Variants in NBPF26 observed in about 807,000 individuals in gnomAD.
NBPF26 encodes NBPF member 26, also known as NBPF family member NBPF26.
Under a neutral mutation model 119.6 loss-of-function variants are expected in NBPF26, and 79 were observed. The observed-to-expected ratio is 0.66, with a 90% CI of 0.55 to 0.80. The LOEUF (loss-of-function observed/expected upper bound fraction) is 0.80. Among genes scored for constraint, NBPF26 ranks in the 30% least tolerant of loss-of-function variants. The pLI, the probability that NBPF26 is intolerant of heterozygous loss-of-function variation, is 0.00. For synonymous variants in NBPF26, 299 were observed against 457.7 expected, an observed-to-expected ratio of 0.65 and a Z score of 4.43; for missense variants, 800 against 1,198.2, an observed-to-expected ratio of 0.67 and a Z score of 4.91.
chr1:120,818,553 T>C (rs1204179171), intron 15 of NBPF26, among the ~76,000 whole-genome samples: 1 of 126,480 alleles, frequency 7.9e-6, no homozygotes, highest in East Asian at 2.0e-4. Flanking sequence ...TTTGCTTCTC[T>C]CGTTATTTTA....
chr1:120,810,706 C>T (rs1651840330), intron 9 of NBPF26, 148 bp downstream of exon 9: 2 of 970,092 alleles, frequency 2.1e-6, no homozygotes, highest in South Asian at 1.5e-5. Context: ...ATAATCACAG[C>T]ACTTTGGAAG....
chr1:120,759,690 T>C (rs1445592895), intron 1 of NBPF26, among the ~76,000 whole-genome samples: 1 of 110,698 alleles, frequency 9.0e-6, no homozygotes, highest in East Asian at 2.2e-4. Flanking sequence ...CTCAAGATTA[T>C]TTTTCTTTTT....
intron 27 of NBPF26, among the ~76,000 whole-genome samples, chr1:120,838,522 G>A (rs141222110): frequency 4.0e-4 from 33 of 82,632 alleles, no homozygotes; most frequent in African/African-American, 1.8e-3. Flanking sequence ...GTGTGTGTGT[G>A]TGTGTGTGTG....
At chr1:120,756,334 C>T (rs1166291940) in intron 1 of NBPF26, among the ~76,000 whole-genome samples, 1 of 117,116 alleles carries the variant, frequency 8.5e-6, no homozygotes, top group Non-Finnish European at 1.6e-5. Context: ...CAGACTTCAT[C>T]TCTCAAATAT....
At chr1:120,737,733 T>C (rs1650921124) in intron 1 of NBPF26, among the ~76,000 whole-genome samples, 1 of 125,582 alleles carries the variant, frequency 8.0e-6, no homozygotes, top group Admixed American at 7.7e-5. Flanking sequence ...GTGTCATTAG[T>C]GATTCAGAAT....
chr1:120,817,414 G>GCTTTTTT (rs1652033534), intron 14 of NBPF26, among the ~76,000 whole-genome samples: 1 of 6,538 alleles, frequency 1.5e-4, no homozygotes, highest in Non-Finnish European at 2.6e-4. Flanking sequence ...TAGCATCGTG[G>GCTTTTTT]ATTTTTTTTT....
chr1:120,776,479 G>A lies in NBPF26; in HGVS notation c.156-8495G>A, dbSNP rs1362705172. 2.8e-4 allele frequency among the ~76,000 whole-genome samples: 12 copies of A among 43,300 alleles called. 1 individual carries two copies. The highest frequency in any genetic ancestry group is 0.012 in the Middle Eastern group (2 of 164). 28.4% of individuals were successfully genotyped at this position (43,300 alleles called of 152,430 possible). A position where few individuals can be genotyped will look rare whatever the true frequency, so the allele number is the denominator to read the frequency against. The stretch of plus-strand genomic sequence containing the variant: ...GAGCTTGAGATGAAACAATTTCTCA[G>A]TGTGTTGTTTGAATACAATGTATAC... On this transcript the variant is annotated intron_variant, in intron 2 of 29. Transcript: ENST00000620612.
chr1:120,805,207 C>T lies in NBPF26; in HGVS notation c.752-349C>T, dbSNP rs1202664275. 3.2e-5 allele frequency among the ~76,000 whole-genome samples: 4 copies of T among 125,980 alleles called. 1 individual carries two copies. The highest frequency in any genetic ancestry group is 7.6e-5 in the Admixed American group (1 of 13,092). 82.6% of individuals were successfully genotyped at this position (125,980 alleles called of 152,430 possible). Reference sequence around the variant, plus strand: ...GTGACCCTCAGGTGAGACTAGGGTGCCTGTGTTTCAGCAAAGCCTGGGCAA... The same window carrying T: ...GTGACCCTCAGGTGAGACTAGGGTGTCTGTGTTTCAGCAAAGCCTGGGCAA... On this transcript the variant is annotated intron_variant, in intron 4 of 29. Coordinates refer to ENST00000620612, the Ensembl canonical transcript of NBPF26.
rs1345245276 is a variant in NBPF26 at position 120,805,569 on chromosome 1, C to G, written c.765C>G (p.Thr255=). 14 of 1,432,264 alleles carry G rather than the reference C, an allele frequency of 9.8e-6. 3 individuals carry two copies. Among genetic ancestry groups the G allele is most frequent in the Non-Finnish European group, 1.3e-5 (14 of 1,054,900 alleles). 88.7% of individuals were successfully genotyped at this position (1,432,264 alleles called of 1,614,324 possible). ...TCTTCTCCCCAGTCCCTGACTCCAC[C>G]TCTTCTGCCACAAACGTCAGCATGG... Residue 255 remains threonine (T), a synonymous_variant, in exon 5 of 30, where the codon ACC becomes ACG. Coordinates refer to ENST00000620612, the Ensembl canonical transcript of NBPF26.
rs1553272379 is a variant in NBPF26, at chr1:120,823,894, C to T, written c.2640-80C>T. ...CTTTTTCTTTTCAAACTCTTCCTTA[C>T]ATTAGCCATGAAATCTAGCTGGGGC... On this transcript the variant is annotated intron_variant, in intron 17 of 29. Coordinates refer to ENST00000620612, the Ensembl canonical transcript of NBPF26. 132 of 474,638 alleles carry T rather than the reference C, an allele frequency of 2.8e-4. 19 individuals are homozygous for T. Among genetic ancestry groups the T allele is most frequent in the East Asian group, 7.1e-4 (22 of 30,836 alleles). 29.4% of individuals were successfully genotyped at this position (474,638 alleles called of 1,614,324 possible). A position where few individuals can be genotyped will look rare whatever the true frequency, so the allele number is the denominator to read the frequency against.
At position 120,785,261 on chromosome 1, in the gene NBPF26, T is replaced by C; in HGVS notation, c.415+28T>C. The C allele has an allele frequency of 2.1e-6, 3 of 1,441,680 alleles. 1 individual carries two copies. The highest frequency in any genetic ancestry group is 2.3e-5 in the East Asian group (1 of 42,848). 89.3% of individuals were successfully genotyped at this position (1,441,680 alleles called of 1,614,324 possible). On this transcript the variant is annotated intron_variant, in intron 3 of 29. Coordinates refer to ENST00000620612, the Ensembl canonical transcript of NBPF26. ...AACTAATGAGACCAAAGCCAGTGCT[T>C]CCCTACCTTCAGCAGATACCTTTAT...
Position 120,840,484 on chromosome 1 carries a change from T to G in NBPF26, c.4238T>G (p.Phe1413Cys), listed in dbSNP as rs1652492482. The change falls in exon 30 of 30, where the codon TTT becomes TGT. Residue 1413 changes from phenylalanine (F) to cysteine (C), a missense_variant. Physicochemically the swap from Phe to Cys is radical, Grantham distance 205. Around this residue, in one of 13 missense-constraint regions of NBPF26, gnomAD observed 155 missense variants for 95.9 expected, o/e 1.62. Coordinates refer to ENST00000620612, the Ensembl canonical transcript of NBPF26. Reference sequence around the variant, plus strand: ...CACTACAGAAGTGTGTTTTACTCATTTGAGGAAGAGCATATCAGCTTCGCC... The same window carrying G: ...CACTACAGAAGTGTGTTTTACTCATGTGAGGAAGAGCATATCAGCTTCGCC... The G allele has an allele frequency of 2.0e-6, 3 of 1,480,022 alleles. 1 individual carries two copies. Among genetic ancestry groups the G allele is most frequent in the African/African-American group, 3.8e-5 (2 of 53,080 alleles). 91.7% of individuals were successfully genotyped at this position (1,480,022 alleles called of 1,614,324 possible).
chr1:120,723,960 G>A (rs1650782157), exon 1 of NBPF26: 4 of 866,456 alleles, frequency 4.6e-6, no homozygotes, highest in African/African-American at 3.8e-5. Flanking sequence ...AACTTCCGGC[G>A]GCGGCTGAGG....
intron 9 of NBPF26, 140 bp from the exon 10 acceptor site, chr1:120,811,746 C>G: frequency 1.7e-6 from 1 of 573,286 alleles, no homozygotes. Flanking sequence ...GAGATCAAGA[C>G]TGGAGATGAC....
In NBPF26 at chr1:120,806,653, G is replaced by C. The variant is rs1651692940; in HGVS notation, c.961+888G>C. ...AAAAATAAAAAGCAGAGAGTACCTT[G>C]GTGAGAGTGAAGTCCTGCTTCCTGG... On this transcript the variant is annotated intron_variant, in intron 5 of 29. Transcript: ENST00000620612. Among the ~76,000 whole-genome samples the C allele has an allele frequency of 1.6e-5, 2 of 122,124 alleles. 1 individual carries two copies. Among genetic ancestry groups the C allele is most frequent in the South Asian group, 5.0e-4 (2 of 4,004 alleles). 80.1% of individuals were successfully genotyped at this position (122,124 alleles called of 152,430 possible).
At position 120,790,064 on chromosome 1, in the gene NBPF26, T is replaced by C. The variant is rs1395661064; in HGVS notation, c.416-3097T>C. The stretch of plus-strand genomic sequence containing the variant: ...TGGAGTATTGCTTTGTCATCCAGGC[T>C]GGAGTGCAGGGCGCAATCTCGGTTC... On this transcript the variant is annotated intron_variant, in intron 3 of 29. Coordinates refer to ENST00000620612, the Ensembl canonical transcript of NBPF26. Among the ~76,000 whole-genome samples the C allele has an allele frequency of 5.0e-5, 4 of 79,726 alleles. 1 individual carries two copies. Among genetic ancestry groups the C allele is most frequent in the Non-Finnish European group, 8.7e-5 (4 of 46,004 alleles). The allele number at this position is 79,726 out of a possible 152,430, so 52.3% of individuals were successfully genotyped here.
rs1326376601 is a variant in NBPF26 at position 120,823,523 on chromosome 1, G to A, written c.2639+163G>A. Among the ~76,000 whole-genome samples the A allele has an allele frequency of 3.6e-5, 4 of 112,556 alleles. 1 individual carries two copies. The highest frequency in any genetic ancestry group is 6.9e-5 in the Non-Finnish European group (4 of 58,122). The allele number at this position is 112,556 out of a possible 152,430, so 73.8% of individuals were successfully genotyped here. A position where few individuals can be genotyped will look rare whatever the true frequency, so the allele number is the denominator to read the frequency against. ...GGTTCTCATTAGAGTAAATCTTTAG[G>A]TTTCCATTTCTTCCTACCCTTATCA... On this transcript the variant is annotated intron_variant, in intron 17 of 29. Transcript: ENST00000620612.
At position 120,793,505 on chromosome 1, in the gene NBPF26, C is replaced by T. The variant is rs1651518677; in HGVS notation, c.751+9C>T. ...GTGCAACTGCCTTCCAGGTAAGGAG[C>T]TCCCTAGTGTCCCAGGATTAGGGGA... On this transcript the variant is annotated intron_variant, in intron 4 of 29. Transcript: ENST00000620612. 9.1e-6 allele frequency: 11 copies of T among 1,206,414 alleles called. 1 individual carries two copies. The highest frequency in any genetic ancestry group is 4.2e-5 in the Admixed American group (2 of 47,958). The allele number at this position is 1,206,414 out of a possible 1,614,324, so 74.7% of individuals were successfully genotyped here. A position where few individuals can be genotyped will look rare whatever the true frequency, so the allele number is the denominator to read the frequency against.
At chr1:120,832,551 TG>T (rs1652363231) in intron 22 of NBPF26, among the ~76,000 whole-genome samples, 1 of 112,794 alleles carries the variant, frequency 8.9e-6, no homozygotes, top group African/African-American at 5.5e-5. Flanking sequence ...GGCTAAATAT[TG>T]CAGTTTTTCT....
Sources: allele counts gnomAD v4.1 joint callset (sites outside exome capture counted in the v4.1 genomes callset), GRCh38; gene constraint gnomAD v4.1.1; regional missense constraint gnomAD v4.1.1; transcripts MANE v1.5; gene names NCBI Gene and HGNC (gene_info 2026-07-23, HGNC 2026-07-21).